The following RPS6KA2 variants were observed in gnomAD, a reference collection of about 807,000 sequenced individuals.
The protein encoded by RPS6KA2 is ribosomal protein S6 kinase A2.
RPS6KA2 carries 42 observed loss-of-function variants against 91.8 expected under a neutral mutation model. The ratio of observed to expected loss-of-function variants is 0.46; its 90% confidence interval spans 0.36 to 0.59. The LOEUF (loss-of-function observed/expected upper bound fraction) is 0.59, where lower values mean the gene tolerates loss of function less well. Among genes scored for constraint, RPS6KA2 ranks in the 20% least tolerant of loss-of-function variants. The pLI, the probability that RPS6KA2 is intolerant of heterozygous loss-of-function variation, is 0.00. For missense variants in RPS6KA2, 798 were observed against 978.5 expected (o/e 0.82, Z 2.46); for synonymous variants, 414 against 393.6 (o/e 1.05, Z -0.61).
chr6:166,681,036 C>T (rs1788790365), intron 2 of RPS6KA2, among the ~76,000 whole-genome samples: 1 of 152,218 alleles, frequency 6.6e-6, no homozygotes, highest in African/African-American at 2.4e-5. Flanking sequence ...CATATCTTCT[C>T]ACCCCTTCTG....
chr6:166,698,051 T>C (rs935353461), intron 2 of RPS6KA2, among the ~76,000 whole-genome samples: 3 of 152,162 alleles, frequency 2.0e-5, no homozygotes, highest in African/African-American at 7.2e-5. Flanking sequence ...AGAGAGTGAC[T>C]GTAAGGACTG....
chr6:166,512,150 G>C (rs561654189), intron 3 of RPS6KA2, among the ~76,000 whole-genome samples: 1 of 152,226 alleles, frequency 6.6e-6, no homozygotes, highest in East Asian at 1.9e-4. Flanking sequence ...CTCTAAAAAA[G>C]AGTAAAATTC....
At chr6:166,797,308 TG>T (rs987346495) in intron 2 of RPS6KA2, among the ~76,000 whole-genome samples, 4 of 129,360 alleles carry the variant, frequency 3.1e-5, no homozygotes, top group Admixed American at 2.2e-4. Context: ...TTTCCAGAAA[TG>T]TTTTTTTTTT....
intron 6 of RPS6KA2, among the ~76,000 whole-genome samples, chr6:166,501,741 CATTT>C (rs1251559868): frequency 6.6e-6 from 1 of 152,194 alleles, no homozygotes; most frequent in Non-Finnish European, 1.5e-5. Context: ...AAACTTTCCC[CATTT>C]ATTTATTTGG....
intron 1 of RPS6KA2, among the ~76,000 whole-genome samples, chr6:166,595,581 TC>T (rs1785509976): frequency 6.6e-6 from 1 of 152,218 alleles, no homozygotes; most frequent in Non-Finnish European, 1.5e-5. Context: ...CACAGCTGGT[TC>T]TATTTTGCCA....
intron 2 of RPS6KA2, among the ~76,000 whole-genome samples, chr6:166,658,207 T>G (rs1325726452): frequency 1.3e-5 from 2 of 151,946 alleles, no homozygotes; most frequent in Non-Finnish European, 2.9e-5. Flanking sequence ...CTGGGCGTGA[T>G]TTGTGTTGGG....
At position 166,668,348 on chromosome 6, in the gene RPS6KA2, C is replaced by T. The variant is rs1042521689; in HGVS notation, c.124-129564G>A. Among the ~76,000 whole-genome samples the T allele has an allele frequency of 2.0e-5, 3 of 152,146 alleles. No homozygotes were observed. The East Asian group carries it at 5.8e-4, about 29-fold the overall frequency. ...TGGTGGGGTAGTGTTGAGAGCCCGT[C>T]GCTTTCAGCCAGATTGTGGCCTTTT... On this transcript the variant is annotated intron_variant, in intron 2 of 21. Transcript: ENST00000503859.
chr6:166,521,415 T>A (rs1317405240), intron 3 of RPS6KA2, among the ~76,000 whole-genome samples: 1 of 152,230 alleles, frequency 6.6e-6, no homozygotes, highest in Admixed American at 6.5e-5. Context: ...GGGCACAGCA[T>A]CTAGTCAAAG....
chr6:166,824,776 C>T (rs114831249), intron 2 of RPS6KA2, among the ~76,000 whole-genome samples: 100 of 18,972 alleles, frequency 5.3e-3, no homozygotes, highest in African/African-American at 0.015. Flanking sequence ...TGTGTGTCTA[C>T]GTGTGTGTCT....
intron 1 of RPS6KA2, among the ~76,000 whole-genome samples, chr6:166,587,849 C>T (rs774205373): frequency 7.9e-5 from 12 of 152,086 alleles, no homozygotes; most frequent in South Asian, 2.1e-4. Flanking sequence ...CAGGACTTTC[C>T]GGGACTGTGC....
In RPS6KA2 at chr6:166,845,317, C is replaced by T. The variant is rs140812245; in HGVS notation, c.123+12883G>A. ...TAGACAGGTCATCAAGACGGAAAGT[C>T]AACAAAGAAATAATGGACTTAAACT... On this transcript the variant is annotated intron_variant, in intron 2 of 21. Coordinates refer to the RPS6KA2 transcript ENST00000503859. Among the ~76,000 whole-genome samples the T allele has an allele frequency of 3.5e-3, 528 of 152,200 alleles. 5 individuals carry two copies. Among genetic ancestry groups the T allele is most frequent in the African/African-American group, 0.012 (500 of 41,530 alleles).
At chr6:166,636,181 G>A (rs1187591780) in intron 2 of RPS6KA2, among the ~76,000 whole-genome samples, 2 of 136,590 alleles carry the variant, frequency 1.5e-5, no homozygotes, top group African/African-American at 2.7e-5. Context: ...TCTTGGAACC[G>A]CCAAGGCCGT....
At chr6:166,510,559 A>G (rs528230886) in intron 3 of RPS6KA2, among the ~76,000 whole-genome samples, 1 of 8,758 alleles carries the variant, frequency 1.1e-4, no homozygotes, top group East Asian at 2.9e-3. Context: ...TCTCTCATAT[A>G]TATATATATA....
At chr6:166,562,235 G>C (rs1463766917) in intron 1 of RPS6KA2, among the ~76,000 whole-genome samples, 1 of 152,180 alleles carries the variant, frequency 6.6e-6, no homozygotes, top group African/African-American at 2.4e-5. Context: ...ATCTCTAGGA[G>C]AGCTGCTTAG....
chr6:166,530,515 C>T (rs1350352050), intron 3 of RPS6KA2, among the ~76,000 whole-genome samples: 1 of 152,228 alleles, frequency 6.6e-6, no homozygotes, highest in Non-Finnish European at 1.5e-5. Context: ...CCCAGGGGGT[C>T]AGTTTATGTA....
intron 2 of RPS6KA2, among the ~76,000 whole-genome samples, chr6:166,806,636 G>C (rs1028121828): frequency 2.0e-5 from 3 of 152,166 alleles, no homozygotes; most frequent in African/African-American, 7.2e-5. Context: ...GTTAAAGGGA[G>C]TCCTGAAGAT....
intron 2 of RPS6KA2, among the ~76,000 whole-genome samples, chr6:166,776,204 T>C (rs191911572): frequency 6.6e-6 from 1 of 152,192 alleles, no homozygotes; most frequent in Non-Finnish European, 1.5e-5. Flanking sequence ...CAGAGAATGA[T>C]CTCGCTACAC....
At chr6:166,578,340 A>G (rs1170360988) in intron 1 of RPS6KA2, among the ~76,000 whole-genome samples, 2 of 152,086 alleles carry the variant, frequency 1.3e-5, no homozygotes, top group East Asian at 3.9e-4. Flanking sequence ...GGGTGGCCCT[A>G]GGAAGTAGTG....
At position 166,533,479 on chromosome 6, in the gene RPS6KA2, G is replaced by A. The variant is rs532828186; in HGVS notation, c.217-2166C>T. ...GGACAGTTGTGTTTGTGGCAGGGAC[G>A]CCACATTTCCCCGGCATCCTGCAGG... On this transcript the variant is annotated intron_variant, in intron 2 of 20. Coordinates refer to ENST00000265678, the MANE Select transcript of RPS6KA2 (RefSeq NM_021135.6). The surrounding 1 kb of genome is among the most constrained non-coding windows in gnomAD (Gnocchi z 4.0). Among the ~76,000 whole-genome samples the A allele has an allele frequency of 3.3e-5, 5 of 152,376 alleles. No homozygotes were observed. Among genetic ancestry groups the A allele is most frequent in the African/African-American group, 9.6e-5 (4 of 41,590 alleles).
Sources: gnomAD v4.1 joint callset for allele counts (sites outside exome capture counted in the v4.1 genomes callset) on GRCh38, gnomAD v4.1.1 for gene constraint, Gnocchi (gnomAD v3.1) non-coding constraint, MANE v1.5 for transcripts, NCBI Gene and HGNC (gene_info 2026-07-23, HGNC 2026-07-21) for gene names.